BRI3BP: variants seen among roughly 807,000 people sequenced by gnomAD.
BRI3BP encodes the protein BRI3-binding protein.
Under a neutral mutation model 15.8 loss-of-function variants are expected in BRI3BP, and 7 were observed. The ratio of observed to expected loss-of-function variants is 0.44; its 90% CI spans 0.25 to 0.83. BRI3BP has a LOEUF of 0.83. Among genes scored for constraint, BRI3BP ranks in the 40% least tolerant of loss-of-function variants. BRI3BP has a pLI of 0.20. For synonymous variants in BRI3BP, 192 were observed against 163.5 expected, an observed-to-expected ratio of 1.17 and a Z score of -1.33; for missense variants, 320 against 339.3, an observed-to-expected ratio of 0.94 and a Z score of 0.45.
downstream of BRI3BP, among the ~76,000 whole-genome samples, chr12:125,034,123 C>T (rs926385988): frequency 5.3e-5 from 8 of 151,230 alleles, no homozygotes; most frequent in African/African-American, 9.7e-5. Context: ...CTCAGCTCAC[C>T]GCAACCTCCG....
chr12:125,010,584 CT>C (rs1446784746), intron 1 of BRI3BP, among the ~76,000 whole-genome samples: 2 of 152,026 alleles, frequency 1.3e-5, no homozygotes, highest in South Asian at 2.1e-4. Context: ...CGAGACCATC[CT>C]GGCCAACATG....
intron 1 of BRI3BP, among the ~76,000 whole-genome samples, chr12:124,997,216 T>C (rs1440667309): frequency 1.0e-4 from 9 of 89,234 alleles, no homozygotes; most frequent in Non-Finnish European, 1.3e-4. Flanking sequence ...TTACTTCTCT[T>C]TTTTTTTTTT....
chr12:125,005,800 C>G (rs1955138269), intron 1 of BRI3BP, among the ~76,000 whole-genome samples: 1 of 151,886 alleles, frequency 6.6e-6, no homozygotes, highest in South Asian at 2.1e-4. Flanking sequence ...ATCTAGAGGC[C>G]CGATAAGATT....
chr12:125,046,015 A>G, the BRI3BP span, among the ~76,000 whole-genome samples: 74 of 151,980 alleles, frequency 4.9e-4, no homozygotes, highest in Non-Finnish European at 1.0e-3. Context: ...AAATACAAAA[A>G]TTAGCCAGGC....
In BRI3BP at chr12:125,025,301, C is replaced by G. The variant is rs753431728; in HGVS notation, c.627C>G (p.Pro209=). The G allele has an allele frequency of 6.2e-7, 1 of 1,613,918 alleles. No individual in the cohort carries two copies. Among genetic ancestry groups the G allele is most frequent in the Admixed American group, 1.7e-5 (1 of 59,964 alleles). ...GPMGFYWRSS[P]SGPSNPSNPS... ...TGGGCTTCTACTGGCGAAGCAGTCC[C>G]AGCGGCCCCAGCAACCCCAGCAACC... The change falls in exon 3 of 3, where the codon CCC becomes CCG. Residue 209 remains proline, a synonymous_variant. Transcript: ENST00000341446.
At chr12:125,040,667 CA>C in the BRI3BP span, among the ~76,000 whole-genome samples, 1 of 151,674 alleles carries the variant, frequency 6.6e-6, no homozygotes, top group African/African-American at 2.4e-5. Context: ...TTTTTCATAA[CA>C]AATACATTGT....
downstream of BRI3BP, among the ~76,000 whole-genome samples, chr12:125,033,039 A>G (rs759565801): frequency 2.4e-4 from 36 of 152,084 alleles, no homozygotes; most frequent in Non-Finnish European, 5.1e-4. Flanking sequence ...GCAGCCCCAG[A>G]GCAGCTGGCG....
At chr12:125,024,281 A>G (rs1428647692) in intron 2 of BRI3BP, among the ~76,000 whole-genome samples, 20 of 134,600 alleles carry the variant, frequency 1.5e-4, no homozygotes. Flanking sequence ...CACTGTCACA[A>G]GAACAGCATG....
chr12:125,050,305 A>C, the BRI3BP span, among the ~76,000 whole-genome samples: 2 of 151,898 alleles, frequency 1.3e-5, no homozygotes. Context: ...AGCCGAGATC[A>C]CGCCACTGCC....
chr12:124,997,436 G>C (rs77245596), intron 1 of BRI3BP, among the ~76,000 whole-genome samples: 3 of 150,550 alleles, frequency 2.0e-5, no homozygotes, highest in African/African-American at 7.3e-5. Flanking sequence ...GGCTGGTCTC[G>C]ATCTCATGAC....
intron 1 of BRI3BP, among the ~76,000 whole-genome samples, chr12:125,011,988 T>A: frequency 6.6e-6 from 1 of 152,130 alleles, no homozygotes; most frequent in East Asian, 1.9e-4. Flanking sequence ...GCTTAGAGTT[T>A]GAGACCAGCC....
chr12:125,024,804 A>G lies in BRI3BP; in HGVS notation c.317-187A>G, dbSNP rs577844324. 3.4e-4 allele frequency among the ~76,000 whole-genome samples: 51 copies of G among 152,066 alleles called. 2 individuals are homozygous for G. The Middle Eastern group carries it at 0.027, about 81-fold the overall frequency. ...ACAGAGCAAGACTCCATCTCAAAAA[A>G]AAGAGGCTTCCCTGTGTGTCCTCAT... is the stretch of plus-strand genomic sequence containing the variant. On this transcript the variant is annotated intron_variant, in intron 2 of 2. Coordinates refer to ENST00000341446, the MANE Select transcript of BRI3BP (RefSeq NM_080626.6).
chr12:124,999,763 G>T (rs200971770), intron 1 of BRI3BP, among the ~76,000 whole-genome samples: 1 of 148,358 alleles, frequency 6.7e-6, no homozygotes, highest in Non-Finnish European at 1.5e-5. Context: ...GACTACAGGC[G>T]CCTGCCACCA....
intron 2 of BRI3BP, among the ~76,000 whole-genome samples, chr12:125,013,464 C>G (rs1239382790): frequency 6.6e-6 from 1 of 152,230 alleles, no homozygotes; most frequent in African/African-American, 2.4e-5. Context: ...CATGTGGGTG[C>G]AGGGACCCTT....
chr12:125,016,255 G>GT lies in BRI3BP; in HGVS notation c.316+3622dup, dbSNP rs763867991. On this transcript the variant is annotated intron_variant, in intron 2 of 2. Transcript: ENST00000341446. ...TGGAATTCGTGTCTTATGCGTAGAA[G>GT]TTTGAGTGCAAAATGCTTTACAGGA... Among the ~76,000 whole-genome samples, 5 of 152,120 alleles carry GT rather than the reference G, an allele frequency of 3.3e-5. No individual in the cohort carries two copies. The South Asian group carries it at 6.2e-4, about 19-fold the overall frequency.
chr12:125,049,108 C>T, the BRI3BP span, among the ~76,000 whole-genome samples: 3 of 152,056 alleles, frequency 2.0e-5, no homozygotes, highest in South Asian at 6.2e-4. Flanking sequence ...ATTACAGGTG[C>T]CCGCCACCAC....
chr12:125,043,127 G>A, the BRI3BP span, among the ~76,000 whole-genome samples: 1 of 152,038 alleles, frequency 6.6e-6, no homozygotes, highest in African/African-American at 2.4e-5. Flanking sequence ...GTGAGGGGAA[G>A]CATTATTAGC....
intron 1 of BRI3BP, among the ~76,000 whole-genome samples, chr12:125,011,478 T>A (rs532359360): frequency 1.6e-4 from 25 of 152,216 alleles, no homozygotes; most frequent in Non-Finnish European, 2.9e-4. Context: ...GAGGCAGCTC[T>A]GTGTGGTCTG....
intron 1 of BRI3BP, among the ~76,000 whole-genome samples, chr12:125,003,956 A>AACACACACAC (rs202194939): frequency 2.6e-5 from 1 of 38,154 alleles, no homozygotes; most frequent in Non-Finnish European, 4.0e-5. Flanking sequence ...CCATCTCAAA[A>AACACACACAC]ACACACACAC....
Sources: allele counts gnomAD v4.1 joint callset (sites outside exome capture counted in the v4.1 genomes callset), GRCh38; gene constraint gnomAD v4.1.1; transcripts MANE v1.5; gene names NCBI Gene and HGNC (gene_info 2026-07-23, HGNC 2026-07-21).